INPP5F: variants seen among roughly 807,000 people sequenced by gnomAD.
INPP5F encodes the protein inositol polyphosphate-5-phosphatase F, also known as phosphatidylinositide 4-phosphatase SAC2.
INPP5F carries 97 observed loss-of-function variants against 137.2 expected under a neutral mutation model. That is an observed-to-expected ratio of 0.71 (90% confidence interval 0.60 to 0.84). INPP5F has a LOEUF of 0.84. INPP5F is among the 40% of genes least tolerant of loss of function. The pLI is 0.00. For synonymous variants in INPP5F, 504 were observed against 476.9 expected (o/e 1.06, Z -0.74); for missense variants, 1,271 against 1,371.9 (o/e 0.93, Z 1.16).
In INPP5F at chr10:119,733,967, G is replaced by A. The variant is rs567433445; in HGVS notation, c.97+7608G>A. Among the ~76,000 whole-genome samples, 5 of 152,310 alleles carry A rather than the reference G, an allele frequency of 3.3e-5. 1 individual carries two copies. The highest frequency in any genetic ancestry group is 1.2e-4 in the African/African-American group (5 of 41,566). ...TCTAGTCCCTGGTCTACCTTCTATA[G>A]TTTAAGCAGCAAAGGGGTTGTAGGG... On this transcript the variant is annotated intron_variant, in intron 1 of 19. Coordinates refer to ENST00000650623, the MANE Select transcript of INPP5F (RefSeq NM_014937.4).
intron 6 of INPP5F, chr10:119,793,577 T>G (rs1850222833): frequency 6.6e-6 from 1 of 152,260 alleles, no homozygotes; most frequent in Non-Finnish European, 1.5e-5. Flanking sequence ...TATCCTTTAC[T>G]GTCTCTGCAG....
intron 4 of INPP5F, 65 bp from the exon 5 acceptor site, chr10:119,791,804 T>C (rs554528927): frequency 2.1e-5 from 30 of 1,410,430 alleles, no homozygotes; most frequent in Non-Finnish European, 2.7e-5. Flanking sequence ...CTTAGGAATT[T>C]ATGTGTTATC....
intron 6 of INPP5F, among the ~76,000 whole-genome samples, chr10:119,795,476 G>A (rs1430521112): frequency 2.0e-5 from 3 of 150,972 alleles, no homozygotes; most frequent in Non-Finnish European, 4.4e-5. Context: ...CCTCTCAGAC[G>A]ATGGGCGGCC....
At chr10:119,731,884 C>T (rs1167280761) in intron 1 of INPP5F, among the ~76,000 whole-genome samples, 1 of 152,090 alleles carries the variant, frequency 6.6e-6, no homozygotes, top group Non-Finnish European at 1.5e-5. Context: ...TGCTGACAGG[C>T]TAACAGTTGG....
Position 119,726,050 on chromosome 10 carries a change from G to A in INPP5F, c.-213G>A, listed in dbSNP as rs559778496. 1.4e-5 allele frequency: 5 copies of A among 355,986 alleles called. No individual in the cohort carries two copies. The highest frequency in any genetic ancestry group is 4.9e-5 in the Admixed American group (1 of 20,344). 22.1% of individuals were successfully genotyped at this position (355,986 alleles called of 1,614,324 possible). A position where few individuals can be genotyped will look rare whatever the true frequency, so the allele number is the denominator to read the frequency against. ...GCCAGGGAAGGGGAGGAGCGGGGGGGAGAGGCCTCTACGGCCGCCGCTGCC... is the reference window on the plus strand; with the variant it reads ...GCCAGGGAAGGGGAGGAGCGGGGGGAAGAGGCCTCTACGGCCGCCGCTGCC... On this transcript the variant is annotated 5_prime_UTR_variant, in exon 1 of 20. Transcript: ENST00000650623.
chr10:119,816,364 A>C (rs537580381), intron 15 of INPP5F: 1 of 152,104 alleles, frequency 6.6e-6, no homozygotes, highest in Non-Finnish European at 1.5e-5. Flanking sequence ...AGCGGATGTC[A>C]TGTGCTGTTT....
chr10:119,738,029 G>T (rs1458988483), intron 1 of INPP5F, among the ~76,000 whole-genome samples: 1 of 152,140 alleles, frequency 6.6e-6, no homozygotes, highest in East Asian at 1.9e-4. Context: ...CTCATGCTCT[G>T]TGCAGGCACA....
intron 1 of INPP5F, among the ~76,000 whole-genome samples, chr10:119,733,973 G>T (rs1428968041): frequency 1.3e-5 from 2 of 152,166 alleles, no homozygotes; most frequent in Non-Finnish European, 2.9e-5. Flanking sequence ...TATAGTTTAA[G>T]CAGCAAAGGG....
intron 1 of INPP5F, among the ~76,000 whole-genome samples, chr10:119,732,212 T>C (rs967555380): frequency 6.6e-6 from 1 of 151,988 alleles, no homozygotes; most frequent in South Asian, 2.1e-4. Context: ...ATTTTTTGTA[T>C]TTTTAGTAGA....
At chr10:119,794,329 T>C (rs1156653527) in intron 6 of INPP5F, among the ~76,000 whole-genome samples, 2 of 152,082 alleles carry the variant, frequency 1.3e-5, no homozygotes, top group Non-Finnish European at 2.9e-5. Flanking sequence ...GAGCACAGGG[T>C]TGGGGGGTAA....
chr10:119,793,525 G>C (rs1260769014), intron 6 of INPP5F: 2 of 151,656 alleles, frequency 1.3e-5, no homozygotes, highest in Non-Finnish European at 2.9e-5. Context: ...CACTTACGGA[G>C]ATAAGAGAGA....
chr10:119,806,044 G>A (rs1340627114), intron 11 of INPP5F, among the ~76,000 whole-genome samples: 1 of 152,088 alleles, frequency 6.6e-6, no homozygotes, highest in African/African-American at 2.4e-5. Context: ...GTTTTAAAGT[G>A]CCTTCTGTTT....
chr10:119,811,892 A>G lies in INPP5F; in HGVS notation c.1823A>G (p.Lys608Arg), dbSNP rs942563520. Residue 608 changes from lysine to arginine, a missense_variant, in exon 15 of 20, where the codon AAG becomes AGG. Coordinates refer to ENST00000650623, the MANE Select transcript of INPP5F (RefSeq NM_014937.4). ...AGCCAGCTCTTACAAAGTTACATGAAGTTACTACTGCCTGATGATGAGAAG... is the reference window on the plus strand; with the variant it reads ...AGCCAGCTCTTACAAAGTTACATGAGGTTACTACTGCCTGATGATGAGAAG... ...LISQLLQSYMKLLLPDDEKFH... is the reference protein window; with the variant it reads ...LISQLLQSYMRLLLPDDEKFH... 2 of 1,614,100 alleles carry G rather than the reference A, an allele frequency of 1.2e-6. No individual in the cohort carries two copies. Among genetic ancestry groups the G allele is most frequent in the African/African-American group, 2.7e-5 (2 of 74,938 alleles).
chr10:119,814,276 A>G (rs1279713243), intron 15 of INPP5F, among the ~76,000 whole-genome samples: 1 of 152,128 alleles, frequency 6.6e-6, no homozygotes, highest in Non-Finnish European at 1.5e-5. Context: ...AGTCTCAGCT[A>G]CTTGGGAGGC....
intron 2 of INPP5F, among the ~76,000 whole-genome samples, chr10:119,771,892 T>TAA (rs1849375307): frequency 3.9e-5 from 2 of 50,852 alleles, no homozygotes; most frequent in African/African-American, 1.5e-4. Flanking sequence ...ATTTTTTTTT[T>TAA]TTTTTTTTTT....
At chr10:119,753,138 C>T (rs1476586058) in intron 2 of INPP5F, among the ~76,000 whole-genome samples, 1 of 152,152 alleles carries the variant, frequency 6.6e-6, no homozygotes, top group Non-Finnish European at 1.5e-5. Flanking sequence ...ATTTTTAATT[C>T]ATTTACATGC....
chr10:119,811,722 T>G, intron 14 of INPP5F, 35 bp from the exon 15 acceptor site: 1 of 1,522,832 alleles, frequency 6.6e-7, no homozygotes, highest in South Asian at 1.2e-5. Context: ...ATTAGTAAAC[T>G]AAAATGATGA....
At chr10:119,761,693 A>C (rs755918200) in intron 2 of INPP5F, among the ~76,000 whole-genome samples, 3 of 152,156 alleles carry the variant, frequency 2.0e-5, no homozygotes, top group Non-Finnish European at 2.9e-5. Flanking sequence ...AATGTGCATA[A>C]AACCTACTTT....
chr10:119,784,317 C>G (rs1195141695), intron 3 of INPP5F, among the ~76,000 whole-genome samples: 1 of 152,174 alleles, frequency 6.6e-6, no homozygotes, highest in Non-Finnish European at 1.5e-5. Context: ...TGTGCCTAGG[C>G]TCTTTGGAGG....
Sources: allele counts gnomAD v4.1 joint callset (sites outside exome capture counted in the v4.1 genomes callset), GRCh38; gene constraint gnomAD v4.1.1; transcripts MANE v1.5; gene names NCBI Gene and HGNC (gene_info 2026-07-23, HGNC 2026-07-21).